INPP5K: variants seen among roughly 807,000 people sequenced by gnomAD.
INPP5K encodes the protein inositol polyphosphate-5-phosphatase K, also known as inositol polyphosphate 5-phosphatase K.
A neutral mutation model predicts 53.5 loss-of-function variants in INPP5K; 35 were observed. That is an observed-to-expected ratio of 0.65 (90% CI 0.50 to 0.87). The LOEUF is 0.87. Ranked by LOEUF, INPP5K falls within the 40% of genes least tolerant of loss-of-function variation. The pLI, the probability that INPP5K is intolerant of heterozygous loss-of-function variation, is 0.00. For synonymous variants in INPP5K, 253 were observed against 232.8 expected, an observed-to-expected ratio of 1.09 and a Z score of -0.79; for missense variants, 550 against 586.2, an observed-to-expected ratio of 0.94 and a Z score of 0.64.
intron 7 of INPP5K, among the ~76,000 whole-genome samples, chr17:1,503,957 G>C (rs924534788): frequency 6.6e-6 from 1 of 152,186 alleles, no homozygotes. Context: ...TCGTCAGTGT[G>C]CTGACTGATT....
intron 7 of INPP5K, among the ~76,000 whole-genome samples, chr17:1,505,695 G>A (rs2075137179): frequency 6.6e-6 from 1 of 152,166 alleles, no homozygotes; most frequent in South Asian, 2.1e-4. Context: ...CCAAGCTTGA[G>A]TTCTACCTCT....
In INPP5K at chr17:1,496,339, AG is replaced by A; in HGVS notation, c.1164del (p.Cys389AlafsTer5). 6.4e-7 allele frequency: 1 copy of A among 1,563,018 alleles called. No individual in the cohort carries two copies. The highest frequency in any genetic ancestry group is 8.7e-7 in the Non-Finnish European group (1 of 1,153,030). ...CGTACCTGGTTCAGGTTGTCGCTGC[AG>A]GAGACCTTGCTGTCCCCGACCCAGG... ...SYAWVGDSKV[S>X]CSDNLNQVYI... On this transcript the variant is annotated frameshift_variant, in exon 10 of 12. Transcript: ENST00000421807. LOFTEE classifies it high-confidence loss of function.
chr17:1,511,588 C>T (rs1369426041), intron 3 of INPP5K, among the ~76,000 whole-genome samples: 1 of 152,156 alleles, frequency 6.6e-6, no homozygotes, highest in African/African-American at 2.4e-5. Context: ...GTAAGGGAGG[C>T]ATCAGAACTT....
At chr17:1,497,874 G>T in intron 8 of INPP5K, 62 bp downstream of exon 8, 1 of 1,424,570 alleles carries the variant, frequency 7.0e-7, no homozygotes, top group Non-Finnish European at 9.8e-7. Context: ...GGGATGGAGG[G>T]CTTGGGGATG....
At chr17:1,503,730 A>C (rs567665062) in intron 7 of INPP5K, among the ~76,000 whole-genome samples, 1 of 152,176 alleles carries the variant, frequency 6.6e-6, no homozygotes, top group South Asian at 2.1e-4. Context: ...AAAAAAATAA[A>C]ACACTTTGTC....
At chr17:1,515,967 G>C (rs931078975) in intron 1 of INPP5K, 1 of 990,290 alleles carries the variant, frequency 1.0e-6, no homozygotes, top group Non-Finnish European at 1.2e-6. Flanking sequence ...TCCAAGCATC[G>C]TGACTTAGAC....
In INPP5K at chr17:1,494,823, G is replaced by C. The variant is rs1008625177; in HGVS notation, c.*1000C>G. ...GTGACCATGGCGGAGGCAAGTGCTG[G>C]ATGTGGGGACAGGCCATGTCCCCAA... On this transcript the variant is annotated 3_prime_UTR_variant, in exon 12 of 12. Transcript: ENST00000421807. The C allele has an allele frequency of 1.3e-5, 2 of 152,348 alleles. No homozygotes were observed. The highest frequency in any genetic ancestry group is 2.9e-5 in the Non-Finnish European group (2 of 68,152). 9.4% of individuals were successfully genotyped at this position (152,348 alleles called of 1,614,324 possible). A position where few individuals can be genotyped will look rare whatever the true frequency, so the allele number is the denominator to read the frequency against.
At chr17:1,499,912 C>T (rs2074961894) in intron 7 of INPP5K, among the ~76,000 whole-genome samples, 1 of 152,204 alleles carries the variant, frequency 6.6e-6, no homozygotes, top group South Asian at 2.1e-4. Flanking sequence ...ATTGATCGAT[C>T]GACAGGTCTC....
chr17:1,497,764 T>C (rs2074894558), intron 8 of INPP5K, 172 bp downstream of exon 8: 1 of 612,072 alleles, frequency 1.6e-6, no homozygotes, highest in Non-Finnish European at 2.9e-6. Flanking sequence ...GACAGAGCCA[T>C]CAACGGCTCC....
chr17:1,500,607 T>C lies in INPP5K; in HGVS notation c.777-2485A>G, dbSNP rs534542524. Among the ~76,000 whole-genome samples, 437 of 152,080 alleles carry C rather than the reference T, an allele frequency of 2.9e-3. 2 individuals are homozygous for C. Among genetic ancestry groups the C allele is most frequent in the African/African-American group, 0.01 (414 of 41,368 alleles). On this transcript the variant is annotated intron_variant, in intron 7 of 11. Coordinates refer to ENST00000421807, the MANE Select transcript of INPP5K (RefSeq NM_016532.4). Reference sequence around the variant, plus strand: ...GTCTTGATCTCCTGACCTCGTGATCTGCTCGCCTTGGCCTCCCAAAGTGCT... The same window carrying C: ...GTCTTGATCTCCTGACCTCGTGATCCGCTCGCCTTGGCCTCCCAAAGTGCT...
rs147996779 is a variant in INPP5K at position 1,509,875 on chromosome 17, G to A, written c.262-76C>T. 42 of 829,974 alleles carry A rather than the reference G, an allele frequency of 5.1e-5. No homozygotes were observed. In the East Asian group the frequency reaches 1.0e-3, roughly 20 times the overall value. 51.4% of individuals were successfully genotyped at this position (829,974 alleles called of 1,614,324 possible). ...GCATCCCTTCCAAGCTCCGTGCTAG[G>A]GACTCTAGAGAGCCCTCAGCTACAT... is the stretch of plus-strand genomic sequence containing the variant. On this transcript the variant is annotated intron_variant, in intron 3 of 11. Transcript: ENST00000421807.
intron 1 of INPP5K, chr17:1,515,913 C>T (rs1849404353): frequency 2.0e-6 from 2 of 986,984 alleles, no homozygotes; most frequent in Non-Finnish European, 2.4e-6. Flanking sequence ...AGCAAAAGTC[C>T]GGATTTCTTG....
At chr17:1,516,128 A>G (rs552917919) in intron 1 of INPP5K, 2 of 1,264,474 alleles carry the variant, frequency 1.6e-6, no homozygotes, top group South Asian at 2.0e-5. Flanking sequence ...GCTGATGAAA[A>G]GTAGGAAAAA....
At chr17:1,501,052 G>A (rs959123038) in intron 7 of INPP5K, among the ~76,000 whole-genome samples, 1 of 150,342 alleles carries the variant, frequency 6.7e-6, no homozygotes, top group African/African-American at 2.5e-5. Flanking sequence ...TCTGCCTCCC[G>A]GGTTCAAGCG....
At chr17:1,496,195 C>T (rs1291270211) in intron 10 of INPP5K, 31 bp from the exon 11 acceptor site, 1 of 1,546,528 alleles carries the variant, frequency 6.5e-7, no homozygotes. Flanking sequence ...CTGGGGTCAG[C>T]TCCAGGGCTC....
At chr17:1,502,134 GGT>G (rs1476322776) in intron 7 of INPP5K, among the ~76,000 whole-genome samples, 2 of 151,772 alleles carry the variant, frequency 1.3e-5, no homozygotes, top group African/African-American at 2.4e-5. Flanking sequence ...CAGATCATGA[GGT>G]CAGGACATGG....
chr17:1,499,574 C>T (rs890336510), intron 7 of INPP5K, among the ~76,000 whole-genome samples: 2 of 152,204 alleles, frequency 1.3e-5, no homozygotes, highest in Non-Finnish European at 2.9e-5. Context: ...AAAGGTAATA[C>T]GCTCCGGAGA....
At chr17:1,501,846 G>A (rs569791317) in intron 7 of INPP5K, among the ~76,000 whole-genome samples, 54 of 148,512 alleles carry the variant, frequency 3.6e-4, no homozygotes, top group South Asian at 2.1e-4. Context: ...GTGAAACCCC[G>A]TCTCTACTAA....
intron 3 of INPP5K, 93 bp from the exon 4 acceptor site, chr17:1,509,892 C>T (rs907480802): frequency 4.2e-6 from 3 of 709,942 alleles, no homozygotes; most frequent in African/African-American, 1.8e-5. Flanking sequence ...AGAGAGCCCT[C>T]AGCTACATGC....
Sources: gnomAD v4.1 joint callset for allele counts (sites outside exome capture counted in the v4.1 genomes callset) on GRCh38, gnomAD v4.1.1 for gene constraint, MANE v1.5 for transcripts, NCBI Gene and HGNC (gene_info 2026-07-23, HGNC 2026-07-21) for gene names.